The following ADAMTSL3 variants were observed in gnomAD, a reference collection of about 807,000 sequenced individuals.
The protein encoded by ADAMTSL3 is ADAMTS-like protein 3.
Under a neutral mutation model 201.7 loss-of-function variants are expected in ADAMTSL3, and 128 were observed. The ratio of observed to expected loss-of-function variants is 0.63; its 90% CI spans 0.55 to 0.73. ADAMTSL3 has a LOEUF of 0.73. Among genes scored for constraint, ADAMTSL3 ranks in the 30% least tolerant of loss-of-function variants. ADAMTSL3 has a pLI of 0.00. For missense variants in ADAMTSL3, 1,990 were observed against 2,119.6 expected (o/e 0.94, Z 1.20); for synonymous variants, 738 against 748.4 (o/e 0.99, Z 0.23).
At chr15:84,035,435 T>C (rs2068487260) in intron 28 of ADAMTSL3, among the ~76,000 whole-genome samples, 1 of 152,236 alleles carries the variant, frequency 6.6e-6, no homozygotes. Context: ...CTCTTCTCTG[T>C]TGTTCAAAGT....
intron 2 of ADAMTSL3, among the ~76,000 whole-genome samples, chr15:83,691,216 A>G (rs1222017521): frequency 6.6e-6 from 1 of 152,158 alleles, no homozygotes; most frequent in Non-Finnish European, 1.5e-5. Flanking sequence ...TTTTTTCTAA[A>G]TTCACATCAA....
Position 84,039,234 on chromosome 15 carries a change from C to T in ADAMTSL3, c.*1428C>T, listed in dbSNP as rs1479985796. Reference sequence around the variant, plus strand: ...CTACATCTTCTTGGCAACAAAGTTACCTGCCACAGGCTCTGCTGAGCCTAG... The same window carrying T: ...CTACATCTTCTTGGCAACAAAGTTATCTGCCACAGGCTCTGCTGAGCCTAG... On this transcript the variant is annotated 3_prime_UTR_variant, in exon 30 of 30. Transcript: ENST00000286744. 1.3e-5 allele frequency: 2 copies of T among 152,646 alleles called. No homozygotes were observed. The highest frequency in any genetic ancestry group is 4.8e-5 in the African/African-American group (2 of 41,440). 9.5% of individuals were successfully genotyped at this position (152,646 alleles called of 1,614,324 possible). A position where few individuals can be genotyped will look rare whatever the true frequency, so the allele number is the denominator to read the frequency against.
chr15:83,883,882 T>C (rs2065331468), intron 9 of ADAMTSL3, among the ~76,000 whole-genome samples: 1 of 143,522 alleles, frequency 7.0e-6, no homozygotes, highest in Non-Finnish European at 1.5e-5. Context: ...TTCTAACACA[T>C]TAATTTTTTC....
At chr15:83,764,901 G>A (rs889434714) in intron 3 of ADAMTSL3, among the ~76,000 whole-genome samples, 30 of 152,166 alleles carry the variant, frequency 2.0e-4, no homozygotes, top group African/African-American at 6.3e-4. Context: ...TGAACAAAGG[G>A]TAGGATAGGG....
At chr15:83,733,535 A>T (rs1043905103) in intron 3 of ADAMTSL3, among the ~76,000 whole-genome samples, 20 of 152,140 alleles carry the variant, frequency 1.3e-4, no homozygotes, top group African/African-American at 4.3e-4. Flanking sequence ...ACATGGGTGG[A>T]ATTTAATGTC....
At chr15:83,706,833 T>C (rs990306422) in intron 3 of ADAMTSL3, among the ~76,000 whole-genome samples, 4 of 147,920 alleles carry the variant, frequency 2.7e-5, no homozygotes, top group Non-Finnish European at 4.5e-5. Flanking sequence ...CTGGATAATT[T>C]TTTTTGTCTG....
intron 20 of ADAMTSL3, among the ~76,000 whole-genome samples, chr15:83,981,026 CCTT>C (rs1280405215): frequency 3.3e-5 from 5 of 152,214 alleles, no homozygotes; most frequent in Admixed American, 6.5e-5. Flanking sequence ...CATTGCATGA[CCTT>C]CTAAATCCAG....
intron 21 of ADAMTSL3, among the ~76,000 whole-genome samples, chr15:83,983,895 T>G (rs1387927106): frequency 6.6e-6 from 1 of 152,162 alleles, no homozygotes; most frequent in Non-Finnish European, 1.5e-5. Flanking sequence ...ACCAGTGGTA[T>G]TTGAGTATCA....
chr15:83,871,525 C>T (rs766365668), intron 9 of ADAMTSL3, among the ~76,000 whole-genome samples: 9 of 152,224 alleles, frequency 5.9e-5, no homozygotes, highest in Non-Finnish European at 8.8e-5. Flanking sequence ...GTCTTTACTT[C>T]GACCTTCAGC....
At chr15:83,758,573 T>C (rs956641719) in intron 3 of ADAMTSL3, among the ~76,000 whole-genome samples, 29 of 152,332 alleles carry the variant, frequency 1.9e-4, no homozygotes, top group African/African-American at 6.7e-4. Flanking sequence ...ATAATAGTCA[T>C]CCTAATGGGT....
intron 3 of ADAMTSL3, among the ~76,000 whole-genome samples, chr15:83,761,145 G>GT (rs1358755103): frequency 6.6e-6 from 1 of 151,472 alleles, no homozygotes; most frequent in African/African-American, 2.4e-5. Context: ...TTTTTTAGTG[G>GT]TAACTCTAGA....
At position 83,804,605 on chromosome 15, in the gene ADAMTSL3, C is replaced by G. The variant is rs959083886; in HGVS notation, c.318-45C>G. Reference sequence around the variant, plus strand: ...TTTTTTTTTTTAATGCTTGCCTCTTCTATGAAATCATTATTTCTTCTTTCT... The same window carrying G: ...TTTTTTTTTTTAATGCTTGCCTCTTGTATGAAATCATTATTTCTTCTTTCT... On this transcript the variant is annotated intron_variant, in intron 4 of 29. Coordinates refer to ENST00000286744, the MANE Select transcript of ADAMTSL3 (RefSeq NM_207517.3). The G allele has an allele frequency of 5.0e-6, 5 of 1,009,376 alleles. No individual in the cohort carries two copies. In the East Asian group the frequency reaches 8.6e-5, roughly 17 times the overall value. 62.5% of individuals were successfully genotyped at this position (1,009,376 alleles called of 1,614,324 possible).
rs889067623 is a variant in ADAMTSL3 at position 83,680,515 on chromosome 15, T to TG, written c.70-23874_70-23873insG. 1.7e-3 allele frequency among the ~76,000 whole-genome samples: 257 copies of TG among 147,680 alleles called. 1 individual carries two copies. The highest frequency in any genetic ancestry group is 2.3e-3 in the Non-Finnish European group (151 of 66,360). ...TTGATTGGCACACCTTAGTTGTTGTTTTTTTTTTTTTTGACTTAGGAATGT... is the reference window on the plus strand; with the variant it reads ...TTGATTGGCACACCTTAGTTGTTGTTGTTTTTTTTTTTTGACTTAGGAATGT... On this transcript the variant is annotated intron_variant, in intron 2 of 29. Transcript: ENST00000286744.
intron 3 of ADAMTSL3, among the ~76,000 whole-genome samples, chr15:83,733,005 T>C (rs2062306674): frequency 6.6e-6 from 1 of 152,152 alleles, no homozygotes; most frequent in Non-Finnish European, 1.5e-5. Context: ...CTGCATTGTA[T>C]TGGGGAAACA....
chr15:83,725,499 G>A (rs2062160795), intron 3 of ADAMTSL3, among the ~76,000 whole-genome samples: 1 of 152,090 alleles, frequency 6.6e-6, no homozygotes, highest in African/African-American at 2.4e-5. Context: ...AATTTCCCCA[G>A]TGTTTTCTTT....
intron 6 of ADAMTSL3, among the ~76,000 whole-genome samples, chr15:83,829,932 G>C (rs1226724857): frequency 6.6e-6 from 1 of 152,188 alleles, no homozygotes; most frequent in African/African-American, 2.4e-5. Flanking sequence ...TTGCTGAAGA[G>C]TGCTTTACTT....
intron 3 of ADAMTSL3, among the ~76,000 whole-genome samples, chr15:83,750,931 G>A (rs2062628135): frequency 6.6e-6 from 1 of 152,112 alleles, no homozygotes; most frequent in South Asian, 2.1e-4. Flanking sequence ...TTAACTCTAT[G>A]CATTTGTTCG....
intron 2 of ADAMTSL3, among the ~76,000 whole-genome samples, chr15:83,699,169 CA>C (rs2061731221): frequency 6.6e-6 from 1 of 152,054 alleles, no homozygotes; most frequent in African/African-American, 2.4e-5. Flanking sequence ...TCCCTATCTC[CA>C]GCGTCAGATT....
At chr15:83,846,042 C>T (rs2064490890) in intron 7 of ADAMTSL3, among the ~76,000 whole-genome samples, 1 of 152,126 alleles carries the variant, frequency 6.6e-6, no homozygotes, top group Non-Finnish European at 1.5e-5. Context: ...TGGAAGCAGT[C>T]CTTGAGGAAT....
Sources: gnomAD v4.1 joint callset for allele counts (sites outside exome capture counted in the v4.1 genomes callset) on GRCh38, gnomAD v4.1.1 for gene constraint, MANE v1.5 for transcripts, NCBI Gene and HGNC (gene_info 2026-07-23, HGNC 2026-07-21) for gene names.